Variants in YIPF5 observed in about 807,000 individuals in gnomAD.
The protein encoded by YIPF5 is Yip1 domain family member 5.
Under a neutral mutation model 30.4 loss-of-function variants are expected in YIPF5, and 8 were observed. That is an observed-to-expected ratio of 0.26 (90% confidence interval 0.15 to 0.47). YIPF5 has a LOEUF of 0.47. YIPF5 is among the 20% of genes least tolerant of loss of function. The pLI is 0.99. For missense variants in YIPF5, 282 were observed against 301.8 expected (o/e 0.93, Z 0.49); for synonymous variants, 104 against 107.9 (o/e 0.96, Z 0.23).
chr5:144,163,943 T>C, intron 4 of YIPF5, 168 bp downstream of exon 4: 1 of 584,938 alleles, frequency 1.7e-6, no homozygotes, highest in Non-Finnish European at 2.7e-6. Context: ...ACACTTACTA[T>C]AGATGGAGAA....
intron 3 of YIPF5, 80 bp downstream of exon 3, chr5:144,165,352 C>A: frequency 6.6e-7 from 1 of 1,523,346 alleles, no homozygotes; most frequent in Non-Finnish European, 8.9e-7. Context: ...AAGGAAAAGA[C>A]AATTTCTCCA....
intron 2 of YIPF5, among the ~76,000 whole-genome samples, chr5:144,168,136 A>G (rs565618442): frequency 6.6e-6 from 1 of 152,316 alleles, no homozygotes; most frequent in South Asian, 2.1e-4. Flanking sequence ...TTACTGGTAC[A>G]TGATTTGGTT....
In YIPF5 at chr5:144,160,069, G is replaced by T; in HGVS notation, c.*328C>A. ...AAGAAAGGTTATCAGCTTTGTGTTT[G>T]GTTTCCCACAGTTGATAAAAATCTA... On this transcript the variant is annotated 3_prime_UTR_variant, in exon 6 of 6. Coordinates refer to ENST00000274496, the MANE Select transcript of YIPF5 (RefSeq NM_030799.9). 3 of 1,008,000 alleles carry T rather than the reference G, an allele frequency of 3.0e-6. No homozygotes were observed. Among genetic ancestry groups the T allele is most frequent in the East Asian group, 9.7e-5 (1 of 10,326 alleles). 62.4% of individuals were successfully genotyped at this position (1,008,000 alleles called of 1,614,324 possible).
Position 144,166,368 on chromosome 5 carries a change from GCCACATCTTTACGCATCTGTT to G in YIPF5, c.111-785_111-765del, listed in dbSNP as rs1331192016. Among the ~76,000 whole-genome samples the G allele has an allele frequency of 3.9e-5, 6 of 152,300 alleles. No individual in the cohort carries two copies. The East Asian group carries it at 9.6e-4, about 24-fold the overall frequency. Reference sequence around the variant, plus strand: ...TAGCAAGAGGGAAGAGGATACTGAAGCCACATCTTTACGCATCTGTTCCATCATGTTTTGAAAAAATCCAAC... The same window carrying G: ...TAGCAAGAGGGAAGAGGATACTGAAGCCATCATGTTTTGAAAAAATCCAAC... On this transcript the variant is annotated intron_variant, in intron 2 of 5. Transcript: ENST00000274496.
rs564006670 is a variant in YIPF5, at chr5:144,159,383, T to A, written c.*1014A>T. On this transcript the variant is annotated 3_prime_UTR_variant, in exon 6 of 6. Coordinates refer to ENST00000274496, the MANE Select transcript of YIPF5 (RefSeq NM_030799.9). ...CCTTAAAAAAGGTTAGTGATTTTTT[T>A]ATTATTTTTGGGAAATGTGGCGATC... The A allele has an allele frequency of 2.0e-5, 20 of 985,318 alleles. No individual in the cohort carries two copies. The highest frequency in any genetic ancestry group is 2.0e-5 in the Non-Finnish European group (17 of 829,794). The allele number at this position is 985,318 out of a possible 1,614,324, so 61.0% of individuals were successfully genotyped here. A position where few individuals can be genotyped will look rare whatever the true frequency, so the allele number is the denominator to read the frequency against.
Position 144,159,068 on chromosome 5 carries a change from A to G in YIPF5, c.*1329T>C. 1 of 983,750 alleles carries G rather than the reference A, an allele frequency of 1.0e-6. No homozygotes were observed. Among genetic ancestry groups the G allele is most frequent in the South Asian group, 4.7e-5 (1 of 21,266 alleles). 60.9% of individuals were successfully genotyped at this position (983,750 alleles called of 1,614,324 possible). On this transcript the variant is annotated 3_prime_UTR_variant, in exon 6 of 6. Transcript: ENST00000274496. Reference sequence around the variant, plus strand: ...TTTCCTACAGATTCTCTCTGGCAAGAGAACATGACAATATAAATCAAATAA... The same window carrying G: ...TTTCCTACAGATTCTCTCTGGCAAGGGAACATGACAATATAAATCAAATAA...
intron 1 of YIPF5, chr5:144,170,228 A>G (rs1752335126): frequency 2.2e-6 from 1 of 445,520 alleles, no homozygotes; most frequent in South Asian, 2.5e-5. Flanking sequence ...AGGTCGTGGG[A>G]GTTGTGGTTC....
chr5:144,158,737 C>G lies in YIPF5; in HGVS notation c.*1660G>C. On this transcript the variant is annotated 3_prime_UTR_variant, in exon 6 of 6. Coordinates refer to ENST00000274496, the MANE Select transcript of YIPF5 (RefSeq NM_030799.9). ...CAATTTGGTAAGTTTGAAAACCTAGCCCAAAACAAATTAATGACAAGTGGG... is the reference window on the plus strand; with the variant it reads ...CAATTTGGTAAGTTTGAAAACCTAGGCCAAAACAAATTAATGACAAGTGGG... 1 of 1,003,190 alleles carries G rather than the reference C, an allele frequency of 1.0e-6. No individual in the cohort carries two copies. Among genetic ancestry groups the G allele is most frequent in the Non-Finnish European group, 1.2e-6 (1 of 842,162 alleles). 62.1% of individuals were successfully genotyped at this position (1,003,190 alleles called of 1,614,324 possible).
In YIPF5 at chr5:144,159,530, G is replaced by A. The variant is rs1751966979; in HGVS notation, c.*867C>T. 5 of 985,152 alleles carry A rather than the reference G, an allele frequency of 5.1e-6. No individual in the cohort carries two copies. The highest frequency in any genetic ancestry group is 6.0e-6 in the Non-Finnish European group (5 of 829,908). The allele number at this position is 985,152 out of a possible 1,614,324, so 61.0% of individuals were successfully genotyped here. ...TAGATTGTGAACTTCCCGTATCTCT[G>A]AATTTTAGCAAAAATTCCATGAGAT... On this transcript the variant is annotated 3_prime_UTR_variant, in exon 6 of 6. Transcript: ENST00000274496.
chr5:144,160,089 A>G lies in YIPF5; in HGVS notation c.*308T>C. 9.6e-7 allele frequency: 1 copy of G among 1,037,558 alleles called. No individual in the cohort carries two copies. Among genetic ancestry groups the G allele is most frequent in the Non-Finnish European group, 1.2e-6 (1 of 864,670 alleles). 64.3% of individuals were successfully genotyped at this position (1,037,558 alleles called of 1,614,324 possible). A position where few individuals can be genotyped will look rare whatever the true frequency, so the allele number is the denominator to read the frequency against. On this transcript the variant is annotated 3_prime_UTR_variant, in exon 6 of 6. Coordinates refer to ENST00000274496, the MANE Select transcript of YIPF5 (RefSeq NM_030799.9). ...TGTTTGGTTTCCCACAGTTGATAAA[A>G]ATCTATCAAAAACATTATAATTTGC...
chr5:144,170,167 C>T (rs1054103326), intron 1 of YIPF5: 24 of 558,430 alleles, frequency 4.3e-5, no homozygotes, highest in Non-Finnish European at 1.9e-5. Context: ...AAGTTGCGGC[C>T]CAGTAAGACA....
Position 144,160,572 on chromosome 5 carries a change from A to C in YIPF5, c.612-13T>G. 1 of 1,602,032 alleles carries C rather than the reference A, an allele frequency of 6.2e-7. No individual in the cohort carries two copies. The highest frequency in any genetic ancestry group is 8.5e-7 in the Non-Finnish European group (1 of 1,174,172). On this transcript the variant is annotated splice_polypyrimidine_tract_variant and intron_variant, in intron 5 of 5. Coordinates refer to ENST00000274496, the MANE Select transcript of YIPF5 (RefSeq NM_030799.9). ...TCCTACCATTCCTCTGTAAACAACA[A>C]GGAAAAAGGGGGGAGAAGAAAAAAA...
Position 144,158,321 on chromosome 5 carries a change from T to A in YIPF5, c.*2076A>T. 1.3e-6 allele frequency: 1 copy of A among 775,976 alleles called. No homozygotes were observed. The highest frequency in any genetic ancestry group is 3.5e-5 in the Admixed American group (1 of 28,526). 48.1% of individuals were successfully genotyped at this position (775,976 alleles called of 1,614,324 possible). A position where few individuals can be genotyped will look rare whatever the true frequency, so the allele number is the denominator to read the frequency against. ...CATAGCTGTTTTGACAGAGCAACAG[T>A]TAAGCATAAAATAGCTTTGCACCTT... is the stretch of plus-strand genomic sequence containing the variant. On this transcript the variant is annotated 3_prime_UTR_variant, in exon 6 of 6. Transcript: ENST00000274496.
At position 144,162,352 on chromosome 5, in the gene YIPF5, T is replaced by A. The variant is rs1752073174; in HGVS notation, c.477A>T (p.Gly159=). 6.2e-7 allele frequency: 1 copy of A among 1,614,022 alleles called. No homozygotes were observed. The highest frequency in any genetic ancestry group is 1.3e-5 in the African/African-American group (1 of 75,022). Residue 159 remains glycine (G), a synonymous_variant, in exon 5 of 6, where the codon GGA becomes GGT. Transcript: ENST00000274496. ...FGYVYGISAI[G]CLGMFCLLNL... is the part of the protein sequence containing the mutation. The stretch of plus-strand genomic sequence containing the variant: ...TTAATAAACAAAACATTCCTAGACA[T>A]CCAATTGCACTGATCCCGTATACAT...
Position 144,165,535 on chromosome 5 carries a change from C to T in YIPF5, c.180G>A (p.Gln60=). 6.2e-7 allele frequency: 1 copy of T among 1,614,118 alleles called. No homozygotes were observed. The highest frequency in any genetic ancestry group is 8.5e-7 in the Non-Finnish European group (1 of 1,180,014). ...GCTGGTAAATCTGCCCGGTGTATGG[C>T]TGTTGTGGCTGCATCATGTCTGGAG... ...FVPPDMMQPQ[Q]PYTGQIYQPT... Residue 60 remains glutamine (Q), a synonymous_variant, in exon 3 of 6, where the codon CAG becomes CAA. Coordinates refer to ENST00000274496, the MANE Select transcript of YIPF5 (RefSeq NM_030799.9).
At chr5:144,168,558 T>C (rs1406007409) in intron 2 of YIPF5, among the ~76,000 whole-genome samples, 1 of 152,212 alleles carries the variant, frequency 6.6e-6, no homozygotes, top group Non-Finnish European at 1.5e-5. Context: ...TTTCCAACTC[T>C]GCCCATTAAT....
intron 2 of YIPF5, among the ~76,000 whole-genome samples, chr5:144,168,926 A>G (rs921177679): frequency 1.3e-5 from 2 of 152,226 alleles, no homozygotes; most frequent in Non-Finnish European, 2.9e-5. Context: ...ATGAGGTTTC[A>G]AATTCGGGAT....
intron 2 of YIPF5, among the ~76,000 whole-genome samples, chr5:144,169,630 G>A (rs1752304876): frequency 6.6e-6 from 1 of 152,182 alleles, no homozygotes; most frequent in Admixed American, 6.5e-5. Flanking sequence ...TGGTACACCT[G>A]AAGAGTTTGC....
At chr5:144,162,514 T>A in intron 4 of YIPF5, 115 bp from the exon 5 acceptor site, 1 of 915,762 alleles carries the variant, frequency 1.1e-6, no homozygotes, top group Non-Finnish European at 1.6e-6. Context: ...TCTACTAATC[T>A]ATCTATTCTT....
Sources: gnomAD v4.1 joint callset for allele counts (sites outside exome capture counted in the v4.1 genomes callset) on GRCh38, gnomAD v4.1.1 for gene constraint, MANE v1.5 for transcripts, NCBI Gene and HGNC (gene_info 2026-07-23, HGNC 2026-07-21) for gene names.